LXN: variants seen among roughly 807,000 people sequenced by gnomAD.
LXN encodes latexin.
In LXN, 28 loss-of-function variants were observed where a neutral mutation model predicts 29.8. That is an observed-to-expected ratio of 0.94 (90% CI 0.70 to 1.29). LXN has a LOEUF of 1.29. Ranked by LOEUF, LXN falls within the 50% of genes most tolerant of loss-of-function variation. The pLI is 0.00. For synonymous variants in LXN, 77 were observed against 89.6 expected, an observed-to-expected ratio of 0.86 and a Z score of 0.80; for missense variants, 227 against 261.7, an observed-to-expected ratio of 0.87 and a Z score of 0.92.
At position 158,667,059 on chromosome 3, in the gene LXN, A is replaced by C. The variant is rs1560136320; in HGVS notation, c.523T>G (p.Phe175Val). Residue 175 changes from phenylalanine (F) to valine (V), a missense_variant, in exon 5 of 6, where the codon TTT (phenylalanine) becomes GTT (valine). Phe to Val is a conservative substitution (Grantham distance 50). Transcript: ENST00000264265. ...TVKQVQRNDD[F>V]IELDYTILLH... ...AGAATGGTGTAGTCTAATTCAATAA[A>C]GTCATCATTTCTTTGCTATGACAAA... 3 of 1,590,814 alleles carry C rather than the reference A, an allele frequency of 1.9e-6. No homozygotes were observed. Among genetic ancestry groups the C allele is most frequent in the Non-Finnish European group, 2.6e-6 (3 of 1,172,818 alleles).
Position 158,672,439 on chromosome 3 carries a change from C to G in LXN, c.40G>C (p.Ala14Pro). The G allele has an allele frequency of 6.2e-7, 1 of 1,614,068 alleles. No individual in the cohort carries two copies. Among genetic ancestry groups the G allele is most frequent in the Non-Finnish European group, 8.5e-7 (1 of 1,179,962 alleles). ...PPTNYPASRA[A>P]LVAQNYINYQ... is the part of the protein sequence containing the mutation. The stretch of plus-strand genomic sequence containing the variant: ...TTGATGTAGTTCTGTGCCACCAAGG[C>G]CGCCCTGGAGGCTGGGTAGTTGGTC... The change falls in exon 1 of 6, where the codon GCC becomes CCC. Residue 14 changes from alanine (A) to proline (P), a missense_variant. By Grantham distance (27) the Ala-to-Pro change is conservative. Coordinates refer to ENST00000264265, the MANE Select transcript of LXN (RefSeq NM_020169.4).
intron 1 of LXN, among the ~76,000 whole-genome samples, chr3:158,671,504 T>G (rs1724301836): frequency 6.6e-6 from 1 of 152,248 alleles, no homozygotes; most frequent in Admixed American, 6.5e-5. Context: ...TATACATTAG[T>G]GAAACTGCAA....
chr3:158,666,831 A>G (rs1723742299), intron 5 of LXN, 87 bp from the exon 6 acceptor site: 1 of 1,436,410 alleles, frequency 7.0e-7, no homozygotes, highest in Non-Finnish European at 9.6e-7. Context: ...TAGAGATAAA[A>G]CAGTCTTCAC....
rs553057544 is a variant in LXN at position 158,669,375 on chromosome 3, A to G, written c.370+58T>C. The G allele has an allele frequency of 2.7e-6, 4 of 1,500,722 alleles. No individual in the cohort carries two copies. In the South Asian group the frequency reaches 4.9e-5, roughly 18 times the overall value. 93.0% of individuals were successfully genotyped at this position (1,500,722 alleles called of 1,614,324 possible). ...CAACTAACAATTTTAAGCACAGATA[A>G]TTGAGATTGATTTTAAGTTTGAATC... On this transcript the variant is annotated intron_variant, in intron 3 of 5. Coordinates refer to ENST00000264265, the MANE Select transcript of LXN (RefSeq NM_020169.4).
At position 158,666,676 on chromosome 3, in the gene LXN, G is replaced by A; in HGVS notation, c.639C>T (p.Ser213=). 6.2e-7 allele frequency: 1 copy of A among 1,613,886 alleles called. No homozygotes were observed. Among genetic ancestry groups the A allele is most frequent in the Non-Finnish European group, 8.5e-7 (1 of 1,179,868 alleles). ...CCAGTTGTACTTCCTTTGGCAGACG[G>A]CTATTATGTTTTACTTTAGTGCCGT... ...PQYGTKVKHN[S]RLPKEVQLE The change falls in exon 6 of 6, where the codon AGC becomes AGT. Residue 213 remains serine, a synonymous_variant. Transcript: ENST00000264265.
In LXN at chr3:158,668,905, A is replaced by G. The variant is rs907686960; in HGVS notation, c.507+91T>C. The G allele has an allele frequency of 2.6e-6, 3 of 1,164,948 alleles. No individual in the cohort carries two copies. The Admixed American group carries it at 7.7e-5, about 30-fold the overall frequency. 72.2% of individuals were successfully genotyped at this position (1,164,948 alleles called of 1,614,324 possible). On this transcript the variant is annotated intron_variant, in intron 4 of 5. Coordinates refer to ENST00000264265, the MANE Select transcript of LXN (RefSeq NM_020169.4). ...CAGGTTTGCTATTAAATACAAAATG[A>G]CTATAGGAATACTGTTAATCCAATT... is the stretch of plus-strand genomic sequence containing the variant.
chr3:158,671,942 T>G (rs1724359043), intron 1 of LXN, among the ~76,000 whole-genome samples: 1 of 152,226 alleles, frequency 6.6e-6, no homozygotes, highest in Non-Finnish European at 1.5e-5. Context: ...TGTCTTAAAA[T>G]GTAGGCAATA....
chr3:158,670,335 C>T (rs1375509016), intron 2 of LXN, among the ~76,000 whole-genome samples: 1 of 152,138 alleles, frequency 6.6e-6, no homozygotes, highest in African/African-American at 2.4e-5. Flanking sequence ...CGTTCTTTCT[C>T]TAAAAACCCA....
chr3:158,672,038 T>C (rs2108068693), intron 1 of LXN, among the ~76,000 whole-genome samples: 1 of 152,306 alleles, frequency 6.6e-6, no homozygotes, highest in Middle Eastern at 3.4e-3. Context: ...TTTGAATGGT[T>C]TCTACAGTTT....
At chr3:158,668,138 T>A (rs1380165363) in intron 4 of LXN, among the ~76,000 whole-genome samples, 1 of 152,202 alleles carries the variant, frequency 6.6e-6, no homozygotes, top group Non-Finnish European at 1.5e-5. Context: ...TTAGTATCCA[T>A]GGAGGATTGG....
At chr3:158,670,930 C>T (rs757007533) in intron 2 of LXN, 27 bp downstream of exon 2, 5 of 1,086,568 alleles carry the variant, frequency 4.6e-6, no homozygotes, top group African/African-American at 3.0e-5. Context: ...GAGACCCTGT[C>T]TCAAAGAAAA....
intron 1 of LXN, 94 bp downstream of exon 1, chr3:158,672,256 A>G: frequency 6.7e-7 from 1 of 1,503,382 alleles, no homozygotes. Flanking sequence ...AGGGGGTGGC[A>G]CGGAGTGTCT....
chr3:158,670,857 C>T (rs1724218626), intron 2 of LXN, 100 bp downstream of exon 2: 7 of 1,299,496 alleles, frequency 5.4e-6, no homozygotes, highest in Non-Finnish European at 6.9e-6. Flanking sequence ...TGGCCTGAGC[C>T]CGGGAAGTTG....
rs1307151629 is a variant in LXN at position 158,666,432 on chromosome 3, T to C, written c.*214A>G. 1 of 1,510,210 alleles carries C rather than the reference T, an allele frequency of 6.6e-7. No homozygotes were observed. 93.6% of individuals were successfully genotyped at this position (1,510,210 alleles called of 1,614,324 possible). A position where few individuals can be genotyped will look rare whatever the true frequency, so the allele number is the denominator to read the frequency against. On this transcript the variant is annotated 3_prime_UTR_variant, in exon 6 of 6. Transcript: ENST00000264265. Reference sequence around the variant, plus strand: ...AACATTATGAGGCTGAAATTGAAGCTTTTTATTTTGGATATACATACCACT... The same window carrying C: ...AACATTATGAGGCTGAAATTGAAGCCTTTTATTTTGGATATACATACCACT...
At chr3:158,669,702 A>C in intron 2 of LXN, 92 bp from the exon 3 acceptor site, 1 of 1,222,074 alleles carries the variant, frequency 8.2e-7, no homozygotes. Flanking sequence ...ATAGGCTCCT[A>C]ATGGTGTTGT....
Position 158,672,503 on chromosome 3 carries a change from C to T in LXN, c.-25G>A. On this transcript the variant is annotated 5_prime_UTR_variant, in exon 1 of 6. Transcript: ENST00000264265. ...TTCCGGATGAGCAGTGACTTCAGGG[C>T]TTGGGCTACTCTGGCTTAACGGGAC... 1.2e-6 allele frequency: 2 copies of T among 1,612,944 alleles called. No individual in the cohort carries two copies. The highest frequency in any genetic ancestry group is 2.7e-5 in the African/African-American group (2 of 75,018).
intron 1 of LXN, 81 bp downstream of exon 1, chr3:158,672,269 A>G (rs1576768334): frequency 6.4e-7 from 1 of 1,562,588 alleles, no homozygotes; most frequent in Admixed American, 1.7e-5. Flanking sequence ...GAGTGTCTGC[A>G]CCCAAAGGCT....
chr3:158,668,626 G>T (rs1455061310), intron 4 of LXN, among the ~76,000 whole-genome samples: 1 of 152,228 alleles, frequency 6.6e-6, no homozygotes, highest in Non-Finnish European at 1.5e-5. Flanking sequence ...TAGATACTGT[G>T]TATTAACAGG....
Position 158,669,541 on chromosome 3 carries a change from T to A in LXN, c.262A>T (p.Asn88Tyr), listed in dbSNP as rs1223122672. The A allele has an allele frequency of 5.6e-6, 9 of 1,613,924 alleles. No individual in the cohort carries two copies. Among genetic ancestry groups the A allele is most frequent in the African/African-American group, 1.3e-5 (1 of 74,942 alleles). ...CCAGTTTCTCCTTCAAATGTGAAGT[T>A]GACTTCTGGTGCAGTTTCTTGTCCC... ...STGQETAPEVNFTFEGETGKN... is the reference protein window; with the variant it reads ...STGQETAPEVYFTFEGETGKN... The change falls in exon 3 of 6, where the codon AAC becomes TAC. Residue 88 changes from asparagine to tyrosine, a missense_variant. Coordinates refer to ENST00000264265, the MANE Select transcript of LXN (RefSeq NM_020169.4).
Sources: gnomAD v4.1 joint callset for allele counts (sites outside exome capture counted in the v4.1 genomes callset) on GRCh38, gnomAD v4.1.1 for gene constraint, MANE v1.5 for transcripts, NCBI Gene and HGNC (gene_info 2026-07-23, HGNC 2026-07-21) for gene names.